Variants in KCNQ5 observed in about 807,000 individuals in gnomAD.
The protein encoded by KCNQ5 is potassium voltage-gated channel subfamily Q member 5.
In KCNQ5, 30 loss-of-function variants were observed where a neutral mutation model predicts 98.2. The ratio of observed to expected loss-of-function variants is 0.31; its 90% CI spans 0.23 to 0.41. The LOEUF (loss-of-function observed/expected upper bound fraction) is 0.41. KCNQ5 is among the 10% of genes least tolerant of loss of function. The probability of loss-of-function intolerance (pLI) is 1.00; values close to 1 mark genes in which losing one functional copy is unlikely to be tolerated. For synonymous variants in KCNQ5, 458 were observed against 449.4 expected (o/e 1.02, Z -0.24); for missense variants, 835 against 1,182.5 (o/e 0.71, Z 4.31).
intron 1 of KCNQ5, among the ~76,000 whole-genome samples, chr6:72,770,698 A>C (rs1167512268): frequency 6.6e-6 from 1 of 152,136 alleles, no homozygotes; most frequent in African/African-American, 2.4e-5. Context: ...TTAAATTCCT[A>C]GTCTGTTATT....
At chr6:73,129,605 G>A (rs189638782) in intron 9 of KCNQ5, among the ~76,000 whole-genome samples, 11 of 152,290 alleles carry the variant, frequency 7.2e-5, no homozygotes, top group Admixed American at 2.0e-4. Context: ...CAACCTAGCC[G>A]TTAAGATCAC....
intron 10 of KCNQ5, among the ~76,000 whole-genome samples, chr6:73,167,208 T>C (rs1234381980): frequency 2.6e-5 from 4 of 152,212 alleles, no homozygotes; most frequent in Non-Finnish European, 4.4e-5. Context: ...CAGAACCAAC[T>C]GTCAAACACA....
chr6:72,640,686 A>G (rs1332735341), intron 1 of KCNQ5: 1 of 152,190 alleles, frequency 6.6e-6, no homozygotes, highest in Non-Finnish European at 1.5e-5. Flanking sequence ...ATAGGATTAG[A>G]GAGCTGGAAG....
At chr6:72,659,333 G>T (rs1278133984) in intron 1 of KCNQ5, among the ~76,000 whole-genome samples, 21 of 151,994 alleles carry the variant, frequency 1.4e-4, no homozygotes, top group African/African-American at 2.4e-5. Flanking sequence ...CCTCATCTAT[G>T]TATCTTGCCA....
chr6:72,917,429 C>A (rs569894001), intron 1 of KCNQ5, among the ~76,000 whole-genome samples: 1 of 129,522 alleles, frequency 7.7e-6, no homozygotes, highest in Non-Finnish European at 1.5e-5. Context: ...GATTTAGGAG[C>A]CCCCCCACCA....
At chr6:73,072,961 AG>A (rs1773363678) in intron 3 of KCNQ5, among the ~76,000 whole-genome samples, 1 of 151,754 alleles carries the variant, frequency 6.6e-6, no homozygotes, top group African/African-American at 2.4e-5. Context: ...TTCTTTCTCT[AG>A]CCCCATTTTC....
chr6:72,972,001 T>G (rs572776486), intron 1 of KCNQ5, among the ~76,000 whole-genome samples: 1 of 151,930 alleles, frequency 6.6e-6, no homozygotes, highest in East Asian at 1.9e-4. Context: ...AAAAAAGAGG[T>G]GCTAAATATG....
intron 1 of KCNQ5, among the ~76,000 whole-genome samples, chr6:72,922,587 A>T (rs1780448263): frequency 6.6e-6 from 1 of 152,118 alleles, no homozygotes; most frequent in South Asian, 2.1e-4. Flanking sequence ...AGTCCCTAGT[A>T]ACCACAATTC....
At chr6:73,080,486 T>C (rs749404017) in intron 5 of KCNQ5, among the ~76,000 whole-genome samples, 2 of 152,192 alleles carry the variant, frequency 1.3e-5, no homozygotes, top group Non-Finnish European at 1.5e-5. Flanking sequence ...GAGCTCATTG[T>C]TTCTATTCAT....
intron 1 of KCNQ5, among the ~76,000 whole-genome samples, chr6:72,825,632 A>T (rs985677988): frequency 2.0e-5 from 3 of 152,168 alleles, no homozygotes; most frequent in Non-Finnish European, 4.4e-5. Flanking sequence ...TGGGACCTAT[A>T]CTATGCAACA....
intron 10 of KCNQ5, chr6:73,158,244 A>C: frequency 6.7e-6 from 1 of 149,858 alleles, no homozygotes; most frequent in South Asian, 1.4e-4. Context: ...AAGTCCTGGA[A>C]TTTTGGAAGA....
At chr6:73,035,985 TTG>T (rs70994155) in intron 2 of KCNQ5, among the ~76,000 whole-genome samples, 18,775 of 140,276 alleles carry the variant, frequency 0.13, 1,155 homozygotes, top group Non-Finnish European at 0.14. Flanking sequence ...TTGAATACAT[TTG>T]TGTGTGTGTG....
rs750872620 is a variant in KCNQ5 at position 73,194,675 on chromosome 6, G to A, written c.2060G>A (p.Gly687Asp). The change falls in exon 14 of 14, where the codon GGC becomes GAC. Residue 687 changes from glycine to aspartate, a missense_variant. Gly to Asp is a moderately conservative substitution (Grantham distance 94). This residue lies in a region of KCNQ5 where 416 missense variants were observed against 446.9 expected (regional missense o/e 0.93). Transcript: ENST00000370398. ...SRSTSANISR[G>D]LQFILTPNEF... ...TCAACTAGTGCCAACATCTCGAGAG[G>A]CCTGCAGTTCATTCTGACGCCAAAT... 1.5e-5 allele frequency: 25 copies of A among 1,614,098 alleles called. No homozygotes were observed. The South Asian group carries it at 2.6e-4, about 17-fold the overall frequency.
Position 73,041,916 on chromosome 6 carries a change from T to C in KCNQ5, c.490-20T>C, listed in dbSNP as rs752160217. ...TGCTCCATAATGCTTCTCTCTGATA[T>C]GTCTTATCTGATATTTTAGGAGTTC... On this transcript the variant is annotated intron_variant, in intron 2 of 13. Coordinates refer to ENST00000370398, the MANE Select transcript of KCNQ5 (RefSeq NM_019842.4). The C allele has an allele frequency of 3.1e-6, 5 of 1,613,634 alleles. No homozygotes were observed.
chr6:73,133,945 G>C (rs754713797), intron 10 of KCNQ5: 5 of 516,958 alleles, frequency 9.7e-6, no homozygotes, highest in African/African-American at 9.6e-5. Context: ...AAGATCAATG[G>C]GACTGTCATT....
chr6:73,048,756 A>C (rs1427318807), intron 3 of KCNQ5, among the ~76,000 whole-genome samples: 2 of 152,228 alleles, frequency 1.3e-5, no homozygotes, highest in Non-Finnish European at 2.9e-5. Context: ...CCTTAGAAAC[A>C]TGAAATTTTA....
intron 1 of KCNQ5, among the ~76,000 whole-genome samples, chr6:72,634,821 G>A (rs919156383): frequency 6.6e-6 from 1 of 152,146 alleles, no homozygotes; most frequent in East Asian, 1.9e-4. Context: ...ACCTGCCTCA[G>A]CCTCCCAAAG....
At chr6:72,730,666 A>G (rs936218677) in intron 1 of KCNQ5, among the ~76,000 whole-genome samples, 1 of 152,090 alleles carries the variant, frequency 6.6e-6, no homozygotes, top group Non-Finnish European at 1.5e-5. Flanking sequence ...TGCTTCTTAA[A>G]TTTACATCTC....
intron 6 of KCNQ5, among the ~76,000 whole-genome samples, chr6:73,105,607 A>G (rs1156450086): frequency 6.6e-6 from 1 of 152,232 alleles, no homozygotes; most frequent in Non-Finnish European, 1.5e-5. Context: ...TGACCAAATA[A>G]TCATTCAGAT....
Sources: gnomAD v4.1 joint callset for allele counts (sites outside exome capture counted in the v4.1 genomes callset) on GRCh38, gnomAD v4.1.1 for gene constraint, gnomAD v4.1.1 regional missense constraint, MANE v1.5 for transcripts, NCBI Gene and HGNC (gene_info 2026-07-23, HGNC 2026-07-21) for gene names.